The following LPP variants were observed in gnomAD, a reference collection of about 807,000 sequenced individuals.
The protein encoded by LPP is LIM domain containing preferred translocation partner in lipoma.
In LPP, 38 loss-of-function variants were observed where a neutral mutation model predicts 60.4. The ratio of observed to expected loss-of-function variants is 0.63; its 90% CI spans 0.49 to 0.83. LPP has a LOEUF of 0.83. Among genes scored for constraint, LPP ranks in the 40% least tolerant of loss-of-function variants. The pLI, the probability that LPP is intolerant of heterozygous loss-of-function variation, is 0.00. For missense variants in LPP, 902 were observed against 783.6 expected (o/e 1.15, Z -1.80); for synonymous variants, 328 against 290.8 (o/e 1.13, Z -1.30).
chr3:188,688,205 A>G (rs765167012), intron 7 of LPP, among the ~76,000 whole-genome samples: 1 of 152,206 alleles, frequency 6.6e-6, no homozygotes, highest in South Asian at 2.1e-4. Flanking sequence ...CACAGCTCAT[A>G]TTCTGGTTTA....
intron 3 of LPP, among the ~76,000 whole-genome samples, chr3:188,347,042 A>G (rs989711819): frequency 5.3e-5 from 8 of 152,234 alleles, no homozygotes; most frequent in South Asian, 4.1e-4. Flanking sequence ...ACATTATTGT[A>G]TATAATCCTA....
chr3:188,375,646 A>G (rs1774815081), intron 3 of LPP, among the ~76,000 whole-genome samples: 4 of 151,824 alleles, frequency 2.6e-5, no homozygotes, highest in Admixed American at 6.6e-5. Context: ...TTTATCTTTT[A>G]AAAAAACCAG....
At chr3:188,629,728 A>T (rs1044217631) in intron 7 of LPP, among the ~76,000 whole-genome samples, 9 of 152,152 alleles carry the variant, frequency 5.9e-5, no homozygotes, top group Non-Finnish European at 8.8e-5. Flanking sequence ...AGAAAAAAAA[A>T]ATATTGTAAA....
At chr3:188,760,371 A>G (rs1731778642) in intron 9 of LPP, 89 bp downstream of exon 9, 1 of 1,395,760 alleles carries the variant, frequency 7.2e-7, no homozygotes, top group African/African-American at 1.4e-5. Flanking sequence ...TAGCCATCAG[A>G]TCTTTGCTTC....
At chr3:188,178,092 C>T (rs76452789) in intron 1 of LPP, among the ~76,000 whole-genome samples, 13,628 of 152,280 alleles carry the variant, frequency 0.089, 797 homozygotes, top group South Asian at 0.14. Flanking sequence ...CACAGTCTCA[C>T]TTGGACAGGT....
At chr3:188,840,758 A>C (rs938618492) in intron 9 of LPP, among the ~76,000 whole-genome samples, 6 of 152,146 alleles carry the variant, frequency 3.9e-5, no homozygotes, top group African/African-American at 1.4e-4. Context: ...TCCTCATCTT[A>C]CACATGAGGA....
chr3:188,832,696 G>A (rs961513794), intron 9 of LPP, among the ~76,000 whole-genome samples: 1 of 152,132 alleles, frequency 6.6e-6, no homozygotes, highest in Non-Finnish European at 1.5e-5. Context: ...TGGTTATCAG[G>A]GTTCTGCTTC....
chr3:188,845,175 G>T (rs538717698), intron 9 of LPP, among the ~76,000 whole-genome samples: 1 of 152,122 alleles, frequency 6.6e-6, no homozygotes, highest in African/African-American at 2.4e-5. Flanking sequence ...TTAAAGCCCT[G>T]GTTCATGCCA....
intron 7 of LPP, among the ~76,000 whole-genome samples, chr3:188,631,041 G>A (rs1384304405): frequency 6.6e-6 from 1 of 152,050 alleles, no homozygotes; most frequent in Non-Finnish European, 1.5e-5. Flanking sequence ...CTAGGAGAAG[G>A]GTGAGGGTCG....
intron 10 of LPP, among the ~76,000 whole-genome samples, chr3:188,870,274 C>T (rs1767771909): frequency 6.6e-6 from 1 of 152,088 alleles, no homozygotes; most frequent in Non-Finnish European, 1.5e-5. Flanking sequence ...TATAGAACTC[C>T]TTCTCAGGTC....
chr3:188,175,862 A>G (rs1467598471), intron 1 of LPP, among the ~76,000 whole-genome samples: 1 of 151,926 alleles, frequency 6.6e-6, no homozygotes, highest in African/African-American at 2.4e-5. Context: ...TTTTAAATAT[A>G]GTGACAGAAT....
At position 188,876,844 on chromosome 3, in the gene LPP, G is replaced by T. The variant is rs966214867; in HGVS notation, c.*2365G>T. Reference sequence around the variant, plus strand: ...TCCTTGTGTAACTGAATGTTTACATGTCAAGAGGAAAAGCTGTAAGAAAAT... The same window carrying T: ...TCCTTGTGTAACTGAATGTTTACATTTCAAGAGGAAAAGCTGTAAGAAAAT... On this transcript the variant is annotated 3_prime_UTR_variant, in exon 12 of 12. Transcript: ENST00000617246. 2.2e-5 allele frequency: 4 copies of T among 183,464 alleles called. No homozygotes were observed. The highest frequency in any genetic ancestry group is 9.4e-5 in the African/African-American group (4 of 42,544). 11.4% of individuals were successfully genotyped at this position (183,464 alleles called of 1,614,324 possible). A position where few individuals can be genotyped will look rare whatever the true frequency, so the allele number is the denominator to read the frequency against.
intron 3 of LPP, among the ~76,000 whole-genome samples, chr3:188,365,272 A>G (rs73055545): frequency 0.088 from 13,366 of 152,158 alleles, 738 homozygotes; most frequent in East Asian, 0.25. Flanking sequence ...AATGCATTAT[A>G]TTCTGGGCAG....
chr3:188,609,871 AGAATACAGG>A lies in LPP; in HGVS notation c.1113+29_1113+37del. On this transcript the variant is annotated intron_variant, in intron 7 of 11. Transcript: ENST00000617246. This position sits in a 1 kb window ranked among gnomAD's most constrained non-coding sequence, Gnocchi z 6.9. ...TAAGAAACTCAGTAACATAAGGAGG[AGAATACAGG>A]GGTGCCTATCTTAGTCTGCCTTCCC... is the stretch of plus-strand genomic sequence containing the variant. 6.3e-7 allele frequency: 1 copy of A among 1,583,334 alleles called. No individual in the cohort carries two copies. Among genetic ancestry groups the A allele is most frequent in the South Asian group, 1.2e-5 (1 of 85,740 alleles).
intron 3 of LPP, among the ~76,000 whole-genome samples, chr3:188,378,149 G>C (rs887514830): frequency 2.6e-5 from 4 of 152,186 alleles, no homozygotes; most frequent in African/African-American, 9.6e-5. Flanking sequence ...GCTACTTGCG[G>C]GTCAGGGACC....
intron 4 of LPP, among the ~76,000 whole-genome samples, chr3:188,428,493 GGT>G (rs1350285925): frequency 6.6e-6 from 1 of 151,928 alleles, no homozygotes; most frequent in Non-Finnish European, 1.5e-5. Context: ...TCTTAACACT[GGT>G]AATAATCACC....
At chr3:188,200,508 A>T (rs961023156) in intron 1 of LPP, among the ~76,000 whole-genome samples, 1 of 152,198 alleles carries the variant, frequency 6.6e-6, no homozygotes. Context: ...TTAGGAAGCC[A>T]CTGCTGAGGC....
chr3:188,342,263 T>C (rs1383398335), intron 3 of LPP, among the ~76,000 whole-genome samples: 1 of 152,092 alleles, frequency 6.6e-6, no homozygotes, highest in Non-Finnish European at 1.5e-5. Context: ...ACACAGAAAA[T>C]TGAGTTAGTC....
chr3:188,643,294 A>G (rs942896830), intron 7 of LPP, among the ~76,000 whole-genome samples: 2 of 152,162 alleles, frequency 1.3e-5, no homozygotes, highest in African/African-American at 2.4e-5. Context: ...TTATTCTTCT[A>G]TTTATAGACG....
Sources: allele counts gnomAD v4.1 joint callset (sites outside exome capture counted in the v4.1 genomes callset), GRCh38; gene constraint gnomAD v4.1.1; non-coding constraint Gnocchi (gnomAD v3.1); transcripts MANE v1.5; gene names NCBI Gene and HGNC (gene_info 2026-07-23, HGNC 2026-07-21).